NFIA: variants seen among roughly 807,000 people sequenced by gnomAD.
NFIA encodes the protein nuclear factor 1 A-type.
A neutral mutation model predicts 62.8 loss-of-function variants in NFIA; 8 were observed. The observed-to-expected ratio is 0.13, with a 90% CI of 0.07 to 0.23. The LOEUF is 0.23. NFIA is among the 10% of genes least tolerant of loss of function. The pLI is 1.00. For missense variants in NFIA, 410 were observed against 642.1 expected, an observed-to-expected ratio of 0.64 and a Z score of 3.91; for synonymous variants, 235 against 238.1, an observed-to-expected ratio of 0.99 and a Z score of 0.12.
chr1:61,410,748 A>G (rs1666062374), intron 9 of NFIA, among the ~76,000 whole-genome samples: 1 of 152,028 alleles, frequency 6.6e-6, no homozygotes, highest in African/African-American at 2.4e-5. Flanking sequence ...CTCTACAAAA[A>G]ATACAAAAAT....
intron 2 of NFIA, among the ~76,000 whole-genome samples, chr1:61,113,551 A>G (rs1480693553): frequency 1.4e-5 from 2 of 141,822 alleles, no homozygotes; most frequent in African/African-American, 5.2e-5. Flanking sequence ...CTGAGAGTGC[A>G]CCATTGCACT....
intron 7 of NFIA, among the ~76,000 whole-genome samples, chr1:61,394,830 T>C (rs144830279): frequency 6.6e-6 from 1 of 152,288 alleles, no homozygotes; most frequent in African/African-American, 2.4e-5. Flanking sequence ...AGTCTTTGGC[T>C]GGGAGCGGTG....
intron 2 of NFIA, among the ~76,000 whole-genome samples, chr1:61,155,199 T>C (rs1464772259): frequency 6.6e-6 from 1 of 152,194 alleles, no homozygotes; most frequent in Non-Finnish European, 1.5e-5. Context: ...ATAATTGAAA[T>C]ATATTTCTGA....
At chr1:61,095,775 A>G (rs1646400647) in intron 2 of NFIA, among the ~76,000 whole-genome samples, 1 of 152,186 alleles carries the variant, frequency 6.6e-6, no homozygotes, top group Admixed American at 6.5e-5. Flanking sequence ...TGTTAAGACA[A>G]AGTTAAACTA....
At chr1:61,162,729 G>A (rs1228220901) in intron 2 of NFIA, among the ~76,000 whole-genome samples, 3 of 152,092 alleles carry the variant, frequency 2.0e-5, no homozygotes, top group South Asian at 2.1e-4. Flanking sequence ...AGTTAGGCCC[G>A]TAGCTGTGGT....
chr1:61,380,708 T>C (rs1045141012), intron 6 of NFIA, among the ~76,000 whole-genome samples: 5 of 152,102 alleles, frequency 3.3e-5, no homozygotes, highest in Non-Finnish European at 7.4e-5. Flanking sequence ...CACAAAGTAA[T>C]TTTGAGATTC....
At chr1:61,427,689 A>G (rs1351777291) in intron 10 of NFIA, among the ~76,000 whole-genome samples, 1 of 152,198 alleles carries the variant, frequency 6.6e-6, no homozygotes, top group Non-Finnish European at 1.5e-5. Context: ...ACACTGAAGC[A>G]GGGTCACAGA....
intron 2 of NFIA, among the ~76,000 whole-genome samples, chr1:61,137,507 T>G (rs1378373611): frequency 6.6e-6 from 1 of 152,228 alleles, no homozygotes. Context: ...CTCTCTCCCT[T>G]CTGGCTCTTT....
At chr1:61,106,953 C>CAT (rs35012316) in intron 2 of NFIA, among the ~76,000 whole-genome samples, 12,160 of 150,298 alleles carry the variant, frequency 0.081, 478 homozygotes, top group East Asian at 0.098. Flanking sequence ...CATATACATA[C>CAT]ATATATATAT....
At chr1:61,402,037 T>C (rs974648018) in intron 7 of NFIA, among the ~76,000 whole-genome samples, 1 of 134,600 alleles carries the variant, frequency 7.4e-6, no homozygotes, top group African/African-American at 3.0e-5. Flanking sequence ...ATTTTTCTTT[T>C]TTTTTTTTTT....
rs545054774 is a variant in NFIA at position 61,281,457 on chromosome 1, G to A, written c.625+3872G>A. Among the ~76,000 whole-genome samples the A allele has an allele frequency of 2.6e-5, 4 of 152,298 alleles. No homozygotes were observed. The South Asian group carries it at 6.2e-4, about 24-fold the overall frequency. On this transcript the variant is annotated intron_variant, in intron 3 of 10. Coordinates refer to ENST00000403491, the MANE Select transcript of NFIA (RefSeq NM_001134673.4). ...GGGAGCCTTGGAGTGGAAGGGGATGGCGTCAGAAATATACCAAGACTTTTA... is the reference window on the plus strand; with the variant it reads ...GGGAGCCTTGGAGTGGAAGGGGATGACGTCAGAAATATACCAAGACTTTTA...
chr1:61,387,699 T>C (rs758477481), intron 7 of NFIA, among the ~76,000 whole-genome samples: 3 of 152,212 alleles, frequency 2.0e-5, no homozygotes, highest in Non-Finnish European at 4.4e-5. Context: ...CATTTCACTA[T>C]CTTTGTTGTG....
intron 4 of NFIA, among the ~76,000 whole-genome samples, chr1:61,343,901 A>G (rs2100415455): frequency 6.6e-6 from 1 of 152,350 alleles, no homozygotes; most frequent in East Asian, 1.9e-4. Context: ...TCTGAATTAT[A>G]GCAGTCTATG....
At chr1:61,424,312 A>C (rs75608249) in intron 9 of NFIA, among the ~76,000 whole-genome samples, 1 of 152,168 alleles carries the variant, frequency 6.6e-6, no homozygotes, top group Non-Finnish European at 1.5e-5. Context: ...CAAGCTTGCT[A>C]TAGTGAAGCT....
chr1:61,377,454 T>C (rs1664207024), intron 6 of NFIA, among the ~76,000 whole-genome samples: 1 of 152,162 alleles, frequency 6.6e-6, no homozygotes, highest in South Asian at 2.1e-4. Flanking sequence ...TAATCGTTGT[T>C]CTGGTAATAA....
At chr1:61,328,507 C>T (rs940780635) in intron 3 of NFIA, among the ~76,000 whole-genome samples, 2 of 151,870 alleles carry the variant, frequency 1.3e-5, no homozygotes, top group Non-Finnish European at 2.9e-5. Flanking sequence ...CCACAACCTA[C>T]GCTTCCCCGT....
At chr1:61,142,568 A>C (rs1386945361) in intron 2 of NFIA, among the ~76,000 whole-genome samples, 1 of 152,206 alleles carries the variant, frequency 6.6e-6, no homozygotes. Context: ...CCAAATGGGT[A>C]CCTTTCTAAG....
chr1:61,150,036 G>C (rs1648289464), intron 2 of NFIA, among the ~76,000 whole-genome samples: 1 of 152,082 alleles, frequency 6.6e-6, no homozygotes, highest in African/African-American at 2.4e-5. Context: ...GTTTAAGAAG[G>C]AAACTGAGAG....
rs144662150 is a variant in NFIA at position 61,278,832 on chromosome 1, A to G, written c.625+1247A>G. On this transcript the variant is annotated intron_variant, in intron 3 of 10. Transcript: ENST00000403491. ...GAAGCTCAGGCTGTGACCTGCATTC[A>G]AATTCTGCCTCTCCTATTTCTTACC... Among the ~76,000 whole-genome samples the G allele has an allele frequency of 1.4e-3, 220 of 152,302 alleles. 1 individual carries two copies. Among genetic ancestry groups the G allele is most frequent in the Middle Eastern group, 0.01 (3 of 294 alleles).
Sources: gnomAD v4.1 joint callset for allele counts (sites outside exome capture counted in the v4.1 genomes callset) on GRCh38, gnomAD v4.1.1 for gene constraint, MANE v1.5 for transcripts, NCBI Gene and HGNC (gene_info 2026-07-23, HGNC 2026-07-21) for gene names.